The following SLCO3A1 variants were observed in gnomAD, a reference collection of about 807,000 sequenced individuals.
SLCO3A1 encodes the protein PGE1 transporter.
In SLCO3A1, 27 loss-of-function variants were observed where a neutral mutation model predicts 63.1. The observed-to-expected ratio is 0.43, with a 90% CI of 0.32 to 0.59. The LOEUF (loss-of-function observed/expected upper bound fraction) is 0.59. Among genes scored for constraint, SLCO3A1 ranks in the 20% least tolerant of loss-of-function variants. SLCO3A1 has a pLI of 0.09. For missense variants in SLCO3A1, 773 were observed against 945.8 expected, an observed-to-expected ratio of 0.82 and a Z score of 2.40; for synonymous variants, 473 against 409.9, an observed-to-expected ratio of 1.15 and a Z score of -1.86.
chr15:92,075,200 G>C (rs1386390741), intron 2 of SLCO3A1, among the ~76,000 whole-genome samples: 1 of 152,148 alleles, frequency 6.6e-6, no homozygotes, highest in Non-Finnish European at 1.5e-5. Flanking sequence ...GGGAAACTTG[G>C]TGCTTAAGCT....
intron 9 of SLCO3A1, among the ~76,000 whole-genome samples, chr15:92,154,519 G>A (rs987618329): frequency 2.0e-5 from 3 of 152,224 alleles, no homozygotes; most frequent in Admixed American, 6.5e-5. Context: ...ACTGGACAAT[G>A]AGGGGGCCAT....
At chr15:91,958,262 C>T (rs957993310) in intron 2 of SLCO3A1, among the ~76,000 whole-genome samples, 6 of 152,112 alleles carry the variant, frequency 3.9e-5, no homozygotes, top group African/African-American at 1.4e-4. Flanking sequence ...AATTTATAGT[C>T]AGTGTTTTAC....
chr15:91,935,462 G>A (rs927199210), intron 2 of SLCO3A1, among the ~76,000 whole-genome samples: 4 of 152,184 alleles, frequency 2.6e-5, no homozygotes, highest in Non-Finnish European at 5.9e-5. Context: ...GTCAAGCCAA[G>A]GGGTGCAAAA....
At chr15:92,170,505 T>G (rs17696325), downstream of SLCO3A1, among the ~76,000 whole-genome samples, 289 of 152,334 alleles carry the variant, frequency 1.9e-3, 7 homozygotes, top group East Asian at 0.042. Context: ...AGCTAGTTTA[T>G]AAAGCCACCA....
At chr15:91,908,218 T>G (rs1316928174) in intron 1 of SLCO3A1, among the ~76,000 whole-genome samples, 2 of 140,060 alleles carry the variant, frequency 1.4e-5, no homozygotes, top group Non-Finnish European at 3.1e-5. Flanking sequence ...CCCCACAACT[T>G]GCCCCCTAAA....
chr15:92,035,386 G>T (rs554915094), intron 2 of SLCO3A1, among the ~76,000 whole-genome samples: 1 of 151,714 alleles, frequency 6.6e-6, no homozygotes, highest in Non-Finnish European at 1.5e-5. Context: ...TGGCCCAAAG[G>T]GATACAGAAA....
Position 91,854,161 on chromosome 15 carries a change from A to T in SLCO3A1, c.180+73A>T. The T allele has an allele frequency of 8.1e-7, 1 of 1,240,032 alleles. No individual in the cohort carries two copies. Among genetic ancestry groups the T allele is most frequent in the Non-Finnish European group, 1.0e-6 (1 of 968,762 alleles). The allele number at this position is 1,240,032 out of a possible 1,614,324, so 76.8% of individuals were successfully genotyped here. A position where few individuals can be genotyped will look rare whatever the true frequency, so the allele number is the denominator to read the frequency against. On this transcript the variant is annotated intron_variant, in intron 1 of 9. Transcript: ENST00000318445. This position sits in a 1 kb window ranked among gnomAD's most constrained non-coding sequence, Gnocchi z 6.4. ...TCTCGAGCGGCCGCCTGGCCCGACG[A>T]GGGGGCCGCCCGGCGCTGGGGGCAG... is the stretch of plus-strand genomic sequence containing the variant.
At chr15:91,962,592 G>C (rs1405171942) in intron 2 of SLCO3A1, among the ~76,000 whole-genome samples, 1 of 151,996 alleles carries the variant, frequency 6.6e-6, no homozygotes, top group East Asian at 1.9e-4. Context: ...GCTGAGGAGG[G>C]AAGTGGAGCC....
Position 91,916,448 on chromosome 15 carries a change from G to T in SLCO3A1, c.636G>T (p.Ser212=), listed in dbSNP as rs768503651. 1.9e-6 allele frequency: 3 copies of T among 1,605,578 alleles called. No homozygotes were observed. Among genetic ancestry groups the T allele is most frequent in the Middle Eastern group, 1.6e-4 (1 of 6,066 alleles). ...IDDHVRRKDS[S]LYIGILFTML... ...ACCACGTGCGGAGGAAGGACTCCTC[G>T]CTCTATATAGGTAGGAGCTGCCCCA... Residue 212 remains serine (S), a synonymous_variant, in exon 2 of 10, where the codon TCG becomes TCT. Transcript: ENST00000318445. This position sits in a 1 kb window ranked among gnomAD's most constrained non-coding sequence, Gnocchi z 6.2.
At chr15:92,086,137 T>C (rs1240527017) in intron 2 of SLCO3A1, among the ~76,000 whole-genome samples, 1 of 152,190 alleles carries the variant, frequency 6.6e-6, no homozygotes, top group African/African-American at 2.4e-5. Context: ...GCACACTTGC[T>C]GTGGGGTGTT....
intron 8 of SLCO3A1, among the ~76,000 whole-genome samples, chr15:92,148,250 G>C (rs920952325): frequency 2.6e-5 from 4 of 152,188 alleles, no homozygotes; most frequent in African/African-American, 7.2e-5. Context: ...TTGGGATGCA[G>C]TTATCCAAGT....
At chr15:91,937,963 G>A (rs750972152) in intron 2 of SLCO3A1, among the ~76,000 whole-genome samples, 1 of 152,070 alleles carries the variant, frequency 6.6e-6, no homozygotes, top group African/African-American at 2.4e-5. Flanking sequence ...CTACCTTATC[G>A]GGCTGTTCTG....
intron 2 of SLCO3A1, among the ~76,000 whole-genome samples, chr15:91,981,985 A>G (rs2045993657): frequency 6.6e-6 from 1 of 152,226 alleles, no homozygotes; most frequent in Admixed American, 6.5e-5. Flanking sequence ...TTCTGTCCCC[A>G]GCACCACTTG....
intron 2 of SLCO3A1, among the ~76,000 whole-genome samples, chr15:91,935,026 T>C (rs1899359128): frequency 6.6e-6 from 1 of 152,214 alleles, no homozygotes; most frequent in Non-Finnish European, 1.5e-5. Flanking sequence ...CCATCTTGGC[T>C]CACTGCAACC....
chr15:92,159,244 T>G (rs1210933574), intron 9 of SLCO3A1, among the ~76,000 whole-genome samples: 1 of 152,176 alleles, frequency 6.6e-6, no homozygotes, highest in East Asian at 1.9e-4. Flanking sequence ...CCCAGCACTT[T>G]GGGAGGCTGA....
chr15:92,169,394 G>GATCAAGAA (rs1183397698), downstream of SLCO3A1, among the ~76,000 whole-genome samples: 1 of 152,182 alleles, frequency 6.6e-6, no homozygotes, highest in Admixed American at 6.5e-5. Flanking sequence ...TTTAGACACT[G>GATCAAGAA]ATCAAGAAGA....
At chr15:91,934,251 C>A (rs1375432974) in intron 2 of SLCO3A1, among the ~76,000 whole-genome samples, 2 of 152,108 alleles carry the variant, frequency 1.3e-5, no homozygotes, top group Non-Finnish European at 2.9e-5. Flanking sequence ...GGGAAGTACA[C>A]TACTTTGACG....
chr15:92,171,641 CTT>C (rs2048521945), intron 10 of SLCO3A1: 1 of 660,138 alleles, frequency 1.5e-6, no homozygotes, highest in Middle Eastern at 2.5e-4. Flanking sequence ...AAACCCAGCA[CTT>C]TATTGCTTTG....
At chr15:92,059,643 G>T (rs1206720099) in intron 2 of SLCO3A1, among the ~76,000 whole-genome samples, 1 of 152,162 alleles carries the variant, frequency 6.6e-6, no homozygotes, top group Non-Finnish European at 1.5e-5. Context: ...CTAGTGGCTG[G>T]CTTCCCTGGA....
Sources: gnomAD v4.1 joint callset for allele counts (sites outside exome capture counted in the v4.1 genomes callset) on GRCh38, gnomAD v4.1.1 for gene constraint, Gnocchi (gnomAD v3.1) non-coding constraint, MANE v1.5 for transcripts, NCBI Gene and HGNC (gene_info 2026-07-23, HGNC 2026-07-21) for gene names.